WDFY4: variants seen among roughly 807,000 people sequenced by gnomAD.
The protein encoded by WDFY4 is WDFY family member 4, also known as WD repeat- and FYVE domain-containing protein 4.
A neutral mutation model predicts 351.9 loss-of-function variants in WDFY4; 169 were observed. The ratio of observed to expected loss-of-function variants is 0.48; its 90% CI spans 0.42 to 0.55. The LOEUF is 0.55. WDFY4 is among the 20% of genes least tolerant of loss of function. The pLI is 0.00. For synonymous variants in WDFY4, 1,622 were observed against 1,574.6 expected (o/e 1.03, Z -0.71); for missense variants, 3,803 against 3,935.6 (o/e 0.97, Z 0.90).
At chr10:48,755,038 G>A (rs12775006) in intron 12 of WDFY4, among the ~76,000 whole-genome samples, 20,083 of 152,060 alleles carry the variant, frequency 0.13, 1,504 homozygotes, top group African/African-American at 0.2. Flanking sequence ...TCAAGAAACA[G>A]AACAGTCTCA....
intron 13 of WDFY4, among the ~76,000 whole-genome samples, chr10:48,773,565 C>T (rs1179137888): frequency 6.6e-6 from 1 of 152,242 alleles, no homozygotes; most frequent in African/African-American, 2.4e-5. Context: ...GCACTCTTTT[C>T]TATGTGCTTC....
In WDFY4 at chr10:48,703,819, G is replaced by A. The variant is rs118010952; in HGVS notation, c.-17-5897G>A. On this transcript the variant is annotated intron_variant, in intron 1 of 61. Transcript: ENST00000325239. ...TTACCCTTCATTGGGGCCGCTGTGC[G>A]CAGAATGCCTGGTGTGGGTTGTTAC... 3.9e-4 allele frequency among the ~76,000 whole-genome samples: 59 copies of A among 152,352 alleles called. 1 individual carries two copies. The East Asian group carries it at 8.9e-3, about 23-fold the overall frequency.
At chr10:48,777,621 C>T (rs1195552437) in intron 17 of WDFY4, 126 bp downstream of exon 17, 2 of 956,642 alleles carry the variant, frequency 2.1e-6, no homozygotes, top group African/African-American at 1.6e-5. Context: ...CATGGTGGCT[C>T]ACACCTGTAA....
At chr10:48,916,695 A>G (rs1446086141) in intron 47 of WDFY4, among the ~76,000 whole-genome samples, 1 of 152,198 alleles carries the variant, frequency 6.6e-6, no homozygotes, top group African/African-American at 2.4e-5. Flanking sequence ...AAATTCAGGA[A>G]AAGTGATTCT....
Position 48,970,269 on chromosome 10 carries a change from A to C in WDFY4, c.8908A>C (p.Arg2970=). 1 of 1,551,226 alleles carries C rather than the reference A, an allele frequency of 6.4e-7. No individual in the cohort carries two copies. The highest frequency in any genetic ancestry group is 8.7e-7 in the Non-Finnish European group (1 of 1,146,996). The part of the protein sequence containing the change: ...WELSMTKGRP[R]GLRLRQALYG... ...GCTCAGCATGACCAAAGGCCGCCCGAGGGGCTTGCGCCTCCGGCAGGTATG... is the reference window on the plus strand; with the variant it reads ...GCTCAGCATGACCAAAGGCCGCCCGCGGGGCTTGCGCCTCCGGCAGGTATG... The change falls in exon 57 of 62, where the codon AGG becomes CGG. Residue 2970 remains arginine, a synonymous_variant. Transcript: ENST00000325239.
intron 36 of WDFY4, 106 bp from the exon 37 acceptor site, chr10:48,828,672 A>T (rs577496885): frequency 3.0e-6 from 2 of 660,568 alleles, no homozygotes; most frequent in South Asian, 4.6e-5. Context: ...TTCCATATTG[A>T]TATAGATAAT....
intron 23 of WDFY4, among the ~76,000 whole-genome samples, chr10:48,792,826 G>C (rs986603944): frequency 6.6e-6 from 1 of 152,220 alleles, no homozygotes; most frequent in Non-Finnish European, 1.5e-5. Context: ...TTCTCAGAAA[G>C]CTCAGACTAC....
chr10:48,902,558 A>C (rs1225373784), intron 47 of WDFY4, among the ~76,000 whole-genome samples: 1 of 152,098 alleles, frequency 6.6e-6, no homozygotes, highest in Non-Finnish European at 1.5e-5. Flanking sequence ...TAATTCCTTC[A>C]AAATTATTTA....
At chr10:48,749,766 G>A (rs182850613) in intron 12 of WDFY4, among the ~76,000 whole-genome samples, 26 of 152,254 alleles carry the variant, frequency 1.7e-4, no homozygotes, top group Admixed American at 5.9e-4. Context: ...GGGTTATGAG[G>A]ACTGCTCTAC....
At position 48,970,284 on chromosome 10, in the gene WDFY4, C is replaced by T. The variant is rs376524309; in HGVS notation, c.8923C>T (p.Arg2975Trp). Residue 2975 changes from arginine to tryptophan, a missense_variant, in exon 57 of 62, where the codon CGG becomes TGG. Arg to Trp is a moderately radical substitution (Grantham distance 101, BLOSUM62 -3). Coordinates refer to ENST00000325239, the MANE Select transcript of WDFY4 (RefSeq NM_001394531.1). The stretch of plus-strand genomic sequence containing the variant: ...AGGCCGCCCGAGGGGCTTGCGCCTC[C>T]GGCAGGTATGGTCCAGCTCGTGCAG... The part of the protein sequence containing the change: ...TKGRPRGLRL[R>W]QALYGHTQAV... 51 of 1,550,408 alleles carry T rather than the reference C, an allele frequency of 3.3e-5. No individual in the cohort carries two copies. The highest frequency in any genetic ancestry group is 6.8e-5 in the African/African-American group (5 of 73,048).
chr10:48,740,872 T>C (rs773327707), intron 11 of WDFY4, among the ~76,000 whole-genome samples: 3 of 152,218 alleles, frequency 2.0e-5, no homozygotes, highest in Non-Finnish European at 2.9e-5. Context: ...ATCACAGATC[T>C]AACCACTGTG....
intron 47 of WDFY4, among the ~76,000 whole-genome samples, chr10:48,930,134 G>C (rs1033803975): frequency 6.6e-6 from 1 of 152,048 alleles, no homozygotes; most frequent in South Asian, 2.1e-4. Flanking sequence ...CAGTCTAAGC[G>C]CTTACAAGGT....
At chr10:48,718,198 T>C (rs1280729424) in intron 2 of WDFY4, among the ~76,000 whole-genome samples, 1 of 152,250 alleles carries the variant, frequency 6.6e-6, no homozygotes, top group Non-Finnish European at 1.5e-5. Flanking sequence ...ATTTTGTTCT[T>C]TTTCTAAAAA....
Position 48,850,745 on chromosome 10 carries a change from A to G in WDFY4, c.6664-16520A>G, listed in dbSNP as rs192301093. Among the ~76,000 whole-genome samples, 6 of 152,316 alleles carry G rather than the reference A, an allele frequency of 3.9e-5. No individual in the cohort carries two copies. The East Asian group carries it at 7.7e-4, about 20-fold the overall frequency. ...AGCGACACTGGCTCATGGTGCAGCC[A>G]CTATCTAGAACATTGAGTGTTGCCA... On this transcript the variant is annotated intron_variant, in intron 39 of 61. Coordinates refer to ENST00000325239, the MANE Select transcript of WDFY4 (RefSeq NM_001394531.1).
chr10:48,694,692 T>C (rs566591008), intron 1 of WDFY4, among the ~76,000 whole-genome samples: 1 of 152,242 alleles, frequency 6.6e-6, no homozygotes, highest in African/African-American at 2.4e-5. Context: ...CCTCTCACCA[T>C]GCACTCACTC....
intron 28 of WDFY4, among the ~76,000 whole-genome samples, chr10:48,808,727 A>G (rs955967438): frequency 6.6e-6 from 1 of 152,246 alleles, no homozygotes; most frequent in East Asian, 1.9e-4. Context: ...AACATGGTAG[A>G]ACTGGAAGAT....
intron 47 of WDFY4, among the ~76,000 whole-genome samples, chr10:48,925,292 A>G (rs959855554): frequency 2.6e-5 from 4 of 152,126 alleles, no homozygotes; most frequent in African/African-American, 9.7e-5. Context: ...CCCTCTAAAG[A>G]GAGGCGGGGC....
Position 48,963,320 on chromosome 10 carries a change from T to C in WDFY4, c.8224-522T>C, listed in dbSNP as rs183335655. On this transcript the variant is annotated intron_variant, in intron 53 of 61. Transcript: ENST00000325239. ...ACATGAACCTGCTAAGAAGGTACAATTGTTCATTTTACAGATGAAGAAACC... is the reference window on the plus strand; with the variant it reads ...ACATGAACCTGCTAAGAAGGTACAACTGTTCATTTTACAGATGAAGAAACC... Among the ~76,000 whole-genome samples, 341 of 152,276 alleles carry C rather than the reference T, an allele frequency of 2.2e-3. 1 individual carries two copies. Among genetic ancestry groups the C allele is most frequent in the African/African-American group, 7.9e-3 (327 of 41,552 alleles).
Position 48,897,449 on chromosome 10 carries a change from T to C in WDFY4, c.7317-5T>C. 6.4e-7 allele frequency: 1 copy of C among 1,550,792 alleles called. No individual in the cohort carries two copies. Among genetic ancestry groups the C allele is most frequent in the South Asian group, 1.2e-5 (1 of 84,052 alleles). On this transcript the variant is annotated splice_region_variant and splice_polypyrimidine_tract_variant and intron_variant, in intron 44 of 61. Coordinates refer to ENST00000325239, the MANE Select transcript of WDFY4 (RefSeq NM_001394531.1). ...ATGTGCCCTGCATGCCTGTTTCCTT[T>C]TCAGCATCAGCGATCCGTTCATTTT... is the stretch of plus-strand genomic sequence containing the variant.
Sources: gnomAD v4.1 joint callset for allele counts (sites outside exome capture counted in the v4.1 genomes callset) on GRCh38, gnomAD v4.1.1 for gene constraint, MANE v1.5 for transcripts, NCBI Gene and HGNC (gene_info 2026-07-23, HGNC 2026-07-21) for gene names.